CFAP52: variants seen among roughly 807,000 people sequenced by gnomAD.
CFAP52 encodes cilia and flagella associated protein 52, also known as cilia- and flagella-associated protein 52.
A neutral mutation model predicts 70.5 loss-of-function variants in CFAP52; 57 were observed. The ratio of observed to expected loss-of-function variants is 0.81; its 90% CI spans 0.65 to 1.01. CFAP52 has a LOEUF of 1.01. Ranked by LOEUF, CFAP52 falls within the 50% of genes least tolerant of loss-of-function variation. The pLI is 0.00. For missense variants in CFAP52, 785 were observed against 788.5 expected (o/e 1.00, Z 0.05); for synonymous variants, 267 against 292.5 (o/e 0.91, Z 0.89).
intron 1 of CFAP52, among the ~76,000 whole-genome samples, chr17:9,579,962 C>G (rs891516287): frequency 6.6e-6 from 1 of 152,122 alleles, no homozygotes; most frequent in Non-Finnish European, 1.5e-5. Flanking sequence ...TTTAAGCAAA[C>G]CAAATATACT....
intron 1 of CFAP52, among the ~76,000 whole-genome samples, chr17:9,581,120 T>C (rs1256788088): frequency 2.0e-5 from 3 of 152,088 alleles, no homozygotes; most frequent in African/African-American, 7.2e-5. Context: ...ATGGAAACCA[T>C]CCTGGCTAAC....
chr17:9,642,898 G>T, intron 13 of CFAP52, 125 bp from the exon 14 acceptor site: 1 of 794,494 alleles, frequency 1.3e-6, no homozygotes, highest in Non-Finnish European at 1.8e-6. Flanking sequence ...TTATAATCAA[G>T]TAAAAGTGTT....
intron 1 of CFAP52, among the ~76,000 whole-genome samples, chr17:9,577,799 T>C (rs561470784): frequency 1.3e-5 from 2 of 152,260 alleles, no homozygotes; most frequent in Admixed American, 6.5e-5. Context: ...CACATAGAAC[T>C]CTGCAACTGA....
intron 4 of CFAP52, among the ~76,000 whole-genome samples, chr17:9,594,637 A>G (rs1164915195): frequency 6.6e-6 from 1 of 152,168 alleles, no homozygotes; most frequent in East Asian, 1.9e-4. Context: ...AGATTCACCT[A>G]CTGACTGATG....
At chr17:9,635,932 G>A (rs1487951063) in intron 11 of CFAP52, among the ~76,000 whole-genome samples, 1 of 152,114 alleles carries the variant, frequency 6.6e-6, no homozygotes, top group Non-Finnish European at 1.5e-5. Context: ...CAGCACTTTG[G>A]GAGGCTGAGG....
At chr17:9,629,010 G>A (rs1335914712) in intron 9 of CFAP52, among the ~76,000 whole-genome samples, 190 bp downstream of exon 9, 1 of 152,066 alleles carries the variant, frequency 6.6e-6, no homozygotes, top group Non-Finnish European at 1.5e-5. Context: ...AGCTAGGAAG[G>A]ACCAAATAGC....
Position 9,628,793 on chromosome 17 carries a change from A to G in CFAP52, c.1147A>G (p.Met383Val). The G allele has an allele frequency of 6.2e-7, 1 of 1,614,064 alleles. No homozygotes were observed. Among genetic ancestry groups the G allele is most frequent in the South Asian group, 1.1e-5 (1 of 91,070 alleles). ...PNMTCHGIDF[M>V]RDGKSIISAW... ...CATGACCTGCCACGGCATCGACTTC[A>G]TGAGGGACGGCAAAAGCATCATTTC... The change falls in exon 9 of 14, where the codon ATG (methionine) becomes GTG (valine). Residue 383 changes from methionine (M) to valine (V), a missense_variant. Physicochemically the swap from Met to Val is conservative, Grantham distance 21 (BLOSUM62 1). Transcript: ENST00000352665.
intron 5 of CFAP52, among the ~76,000 whole-genome samples, chr17:9,598,735 T>C (rs1194421370): frequency 7.5e-6 from 1 of 134,118 alleles, no homozygotes; most frequent in East Asian, 2.1e-4. Context: ...CACTCCAGCC[T>C]GGACAACAGA....
rs368773719 is a variant in CFAP52, at chr17:9,589,673, C to T, written c.407+2839C>T. 2.1e-3 allele frequency among the ~76,000 whole-genome samples: 319 copies of T among 149,954 alleles called. 1 individual carries two copies. The highest frequency in any genetic ancestry group is 7.4e-3 in the African/African-American group (299 of 40,172). ...GCTTGAACCTGGGAGGCGGAGGTTGCAGTGAGCCAAGGTTGTGCCATTGCA... is the reference window on the plus strand; with the variant it reads ...GCTTGAACCTGGGAGGCGGAGGTTGTAGTGAGCCAAGGTTGTGCCATTGCA... On this transcript the variant is annotated intron_variant, in intron 3 of 13. Coordinates refer to ENST00000352665, the MANE Select transcript of CFAP52 (RefSeq NM_145054.5).
At position 9,576,700 on chromosome 17, in the gene CFAP52, A is replaced by G. The variant is rs776716850; in HGVS notation, c.5A>G (p.Asp2Gly). Reference sequence around the variant, plus strand: ...AGTAATCAGAACCTCCCAAGGATGGATAACAAAATTTCGCCGGAGGCCCAA... The same window carrying G: ...AGTAATCAGAACCTCCCAAGGATGGGTAACAAAATTTCGCCGGAGGCCCAA... Reference protein sequence around the residue: MDNKISPEAQVA... With the variant: MGNKISPEAQVA... The change falls in exon 1 of 14, where the codon GAT becomes GGT. Residue 2 changes from aspartate (D) to glycine (G), a missense_variant. Physicochemically the swap from Asp to Gly is moderately conservative, Grantham distance 94. Coordinates refer to ENST00000352665, the MANE Select transcript of CFAP52 (RefSeq NM_145054.5). The G allele has an allele frequency of 9.9e-6, 16 of 1,612,128 alleles. No homozygotes were observed. The highest frequency in any genetic ancestry group is 5.0e-5 in the Admixed American group (3 of 59,802).
At chr17:9,578,324 A>T (rs553489084) in intron 1 of CFAP52, among the ~76,000 whole-genome samples, 75 of 152,328 alleles carry the variant, frequency 4.9e-4, no homozygotes, top group African/African-American at 1.4e-3. Context: ...GGGAAGCCTC[A>T]GTAAACTGGC....
rs1555544268 is a variant in CFAP52, at chr17:9,631,040, G to GAAAGAAAGAAAGAA, written c.1175-1847_1175-1846insAAGAAAGAAAGAAA. Among the ~76,000 whole-genome samples the GAAAGAAAGAAAGAA allele has an allele frequency of 1.6e-4, 6 of 37,840 alleles. No individual in the cohort carries two copies. The East Asian group carries it at 6.4e-3, about 40-fold the overall frequency. 24.8% of individuals were successfully genotyped at this position (37,840 alleles called of 152,430 possible). On this transcript the variant is annotated intron_variant, in intron 9 of 13. Coordinates refer to ENST00000352665, the MANE Select transcript of CFAP52 (RefSeq NM_145054.5). ...AAAGAAAGAAAGAAAGAGAGAGAGA[G>GAAAGAAAGAAAGAA]AGAGAGAGAGAGAGAAAGAAAGAAA...
At chr17:9,602,203 T>C (rs1909297571) in intron 6 of CFAP52, among the ~76,000 whole-genome samples, 1 of 152,150 alleles carries the variant, frequency 6.6e-6, no homozygotes, top group Non-Finnish European at 1.5e-5. Flanking sequence ...GGTATACACG[T>C]GCCATGGTGG....
chr17:9,638,679 T>A lies in CFAP52; in HGVS notation c.1543T>A (p.Phe515Ile). ...GTGTGTGTGCTATCACCCTGAGGAG[T>A]TCCAGATCATCACCAGCGGAACAGA... ...FQCVCYHPEE[F>I]QIITSGTDRK... The change falls in exon 12 of 14, where the codon TTC becomes ATC. Residue 515 changes from phenylalanine (F) to isoleucine (I), a missense_variant. By Grantham distance (21) the Phe-to-Ile change is conservative. Transcript: ENST00000352665. 1 of 1,614,042 alleles carries A rather than the reference T, an allele frequency of 6.2e-7. No homozygotes were observed. The highest frequency in any genetic ancestry group is 8.5e-7 in the Non-Finnish European group (1 of 1,179,994).
At chr17:9,594,494 C>T (rs1908913636) in intron 4 of CFAP52, 173 bp downstream of exon 4, 1 of 750,010 alleles carries the variant, frequency 1.3e-6, no homozygotes, top group African/African-American at 1.8e-5. Context: ...GAAGTATTTT[C>T]ACTATAGTTA....
chr17:9,624,031 T>G (rs1910146032), intron 8 of CFAP52, among the ~76,000 whole-genome samples: 1 of 152,198 alleles, frequency 6.6e-6, no homozygotes, highest in East Asian at 1.9e-4. Flanking sequence ...ATTCCAGACT[T>G]TCTAATGAGA....
chr17:9,598,285 A>C lies in CFAP52; in HGVS notation c.588A>C (p.Pro196=). The C allele has an allele frequency of 3.1e-6, 5 of 1,613,474 alleles. No individual in the cohort carries two copies. Among genetic ancestry groups the C allele is most frequent in the Non-Finnish European group, 4.2e-6 (5 of 1,179,944 alleles). ...ATCTTCCAAATAGAAAAATCTGGCC[A>C]ACTGAGTGCCAAACAGGACAGTTGA... ...ELDLPNRKIW[P]TECQTGQLKR... Residue 196 remains proline (P), a synonymous_variant, in exon 5 of 14, where the codon CCA becomes CCC. Coordinates refer to ENST00000352665, the MANE Select transcript of CFAP52 (RefSeq NM_145054.5).
intron 4 of CFAP52, chr17:9,594,587 C>T (rs2084005332): frequency 3.9e-6 from 1 of 258,616 alleles, no homozygotes; most frequent in Admixed American, 5.3e-5. Context: ...ACAGAATTAT[C>T]TCCAATCCAT....
At chr17:9,631,036 G>GAAAGAA (rs1567634871) in intron 9 of CFAP52, among the ~76,000 whole-genome samples, 2 of 50,996 alleles carry the variant, frequency 3.9e-5, no homozygotes, top group African/African-American at 1.8e-4. Context: ...GAAAGAGAGA[G>GAAAGAA]AGAGAGAGAG....
Sources: allele counts gnomAD v4.1 joint callset (sites outside exome capture counted in the v4.1 genomes callset), GRCh38; gene constraint gnomAD v4.1.1; transcripts MANE v1.5; gene names NCBI Gene and HGNC (gene_info 2026-07-23, HGNC 2026-07-21).